CTNNA3: variants seen among roughly 807,000 people sequenced by gnomAD.
CTNNA3 encodes the protein catenin alpha-3.
In CTNNA3, 76 loss-of-function variants were observed where a neutral mutation model predicts 95.7. That is an observed-to-expected ratio of 0.79 (90% CI 0.66 to 0.96). CTNNA3 has a LOEUF of 0.96. Among genes scored for constraint, CTNNA3 ranks in the 40% least tolerant of loss-of-function variants. The probability of loss-of-function intolerance (pLI) is 0.00; values close to 1 mark genes in which losing one functional copy is unlikely to be tolerated. For synonymous variants in CTNNA3, 431 were observed against 374.4 expected (o/e 1.15, Z -1.74); for missense variants, 1,191 against 1,089.8 (o/e 1.09, Z -1.31).
At chr10:67,071,327 T>TCA (rs1474004938) in intron 7 of CTNNA3, among the ~76,000 whole-genome samples, 3 of 99,460 alleles carry the variant, frequency 3.0e-5, no homozygotes, top group African/African-American at 1.8e-4. Flanking sequence ...TTTTGTATTT[T>TCA]GGGTTTTTTT....
chr10:66,133,531 C>CA (rs1422778117), intron 13 of CTNNA3, among the ~76,000 whole-genome samples: 1 of 142,268 alleles, frequency 7.0e-6, no homozygotes, highest in African/African-American at 2.6e-5. Flanking sequence ...AAACAAAAAA[C>CA]AAAAAACAAA....
chr10:67,640,150 G>A (rs1839477969), intron 2 of CTNNA3, among the ~76,000 whole-genome samples: 1 of 152,154 alleles, frequency 6.6e-6, no homozygotes, highest in Non-Finnish European at 1.5e-5. Context: ...AGCAACTACA[G>A]CAAAGTCTCA....
At chr10:66,479,464 T>C (rs957997909) in intron 11 of CTNNA3, among the ~76,000 whole-genome samples, 1 of 152,032 alleles carries the variant, frequency 6.6e-6, no homozygotes, top group African/African-American at 2.4e-5. Context: ...TAATTTAAAA[T>C]TCTTTAAATC....
rs35006931 is a variant in CTNNA3 at position 66,872,671 on chromosome 10, A to AAAT, written c.1048-97150_1048-97148dup. ...GTGACAGAACGAGACCCCGTCTCAAAAATAATAATAATAATAATAATAATT... is the reference window on the plus strand; with the variant it reads ...GTGACAGAACGAGACCCCGTCTCAAAAATAATAATAATAATAATAATAATAATT... On this transcript the variant is annotated intron_variant, in intron 7 of 17. Transcript: ENST00000433211. Among the ~76,000 whole-genome samples the AAAT allele has an allele frequency of 3.1e-3, 453 of 145,554 alleles. 2 individuals carry two copies. Among genetic ancestry groups the AAAT allele is most frequent in the Middle Eastern group, 0.01 (3 of 286 alleles).
At chr10:67,647,151 T>G (rs1345848065) in intron 2 of CTNNA3, among the ~76,000 whole-genome samples, 2 of 68,830 alleles carry the variant, frequency 2.9e-5, no homozygotes, top group African/African-American at 4.8e-4. Context: ...GAAAATTATA[T>G]ATATATATAT....
intron 3 of CTNNA3, among the ~76,000 whole-genome samples, chr10:67,586,459 A>G (rs1440672402): frequency 6.6e-6 from 1 of 152,062 alleles, no homozygotes; most frequent in Admixed American, 6.6e-5. Context: ...CTTTAGATCT[A>G]GTCATATTTG....
intron 13 of CTNNA3, among the ~76,000 whole-genome samples, chr10:66,141,930 G>C (rs561418319): frequency 1.3e-5 from 2 of 152,010 alleles, no homozygotes; most frequent in African/African-American, 4.8e-5. Context: ...TATGTCTTTC[G>C]CAATTATTGT....
intron 7 of CTNNA3, among the ~76,000 whole-genome samples, chr10:67,021,501 T>TA (rs1853013282): frequency 6.6e-6 from 1 of 151,980 alleles, no homozygotes; most frequent in Non-Finnish European, 1.5e-5. Flanking sequence ...GTAAAAACAT[T>TA]AAAAAATCCT....
At chr10:66,640,924 T>G (rs1416209320) in intron 9 of CTNNA3, among the ~76,000 whole-genome samples, 3 of 152,064 alleles carry the variant, frequency 2.0e-5, no homozygotes, top group African/African-American at 4.8e-5. Context: ...ATTGAGCAAA[T>G]GAACGCATGC....
At chr10:66,520,857 C>T in intron 10 of CTNNA3, 84 bp from the exon 11 acceptor site, 1 of 804,802 alleles carries the variant, frequency 1.2e-6, no homozygotes, top group Non-Finnish European at 2.0e-6. Context: ...GCCCACACTT[C>T]ACCACTATGC....
At chr10:66,745,226 T>C (rs1354744989) in intron 9 of CTNNA3, among the ~76,000 whole-genome samples, 1 of 152,230 alleles carries the variant, frequency 6.6e-6, no homozygotes, top group Admixed American at 6.5e-5. Flanking sequence ...TGTTCAAGTT[T>C]GGCATATGCA....
At chr10:66,064,311 A>G (rs1241998667) in intron 15 of CTNNA3, among the ~76,000 whole-genome samples, 1 of 152,170 alleles carries the variant, frequency 6.6e-6, no homozygotes, top group Non-Finnish European at 1.5e-5. Context: ...AATTATGAGG[A>G]TGATAATTCA....
At chr10:66,609,060 C>CA (rs1554824220) in intron 10 of CTNNA3, among the ~76,000 whole-genome samples, 1 of 150,836 alleles carries the variant, frequency 6.6e-6, no homozygotes, top group African/African-American at 2.4e-5. Flanking sequence ...GGTCTATTAT[C>CA]TTTTTTTTTC....
chr10:67,224,844 G>A (rs546854885), intron 5 of CTNNA3, among the ~76,000 whole-genome samples: 5 of 152,272 alleles, frequency 3.3e-5, no homozygotes, highest in African/African-American at 9.6e-5. Context: ...GCTGAACTTC[G>A]TAACAATTTG....
intron 13 of CTNNA3, among the ~76,000 whole-genome samples, chr10:66,214,083 T>C (rs934529201): frequency 2.0e-5 from 3 of 152,062 alleles, no homozygotes; most frequent in Non-Finnish European, 4.4e-5. Flanking sequence ...GCAAAAACGA[T>C]AAGAAAAAAA....
intron 7 of CTNNA3, among the ~76,000 whole-genome samples, chr10:66,817,209 A>T (rs1842122071): frequency 6.6e-6 from 1 of 152,018 alleles, no homozygotes; most frequent in African/African-American, 2.4e-5. Flanking sequence ...TTTCCCAAAA[A>T]TCTACTGAAA....
chr10:66,254,813 G>A (rs944720528), intron 13 of CTNNA3, among the ~76,000 whole-genome samples: 72 of 152,172 alleles, frequency 4.7e-4, no homozygotes, highest in African/African-American at 1.4e-3. Flanking sequence ...AAGCCCTAGA[G>A]AAGGAGTGTC....
At chr10:66,567,055 A>AGTGG in intron 10 of CTNNA3, among the ~76,000 whole-genome samples, 1 of 68,580 alleles carries the variant, frequency 1.5e-5, no homozygotes, top group Admixed American at 1.6e-4. Flanking sequence ...GTAGGGAGAA[A>AGTGG]GAGGGGAAGG....
rs774933459 is a variant in CTNNA3 at position 66,069,413 on chromosome 10, C to T, written c.2054G>A (p.Ser685Asn). Residue 685 changes from serine (S) to asparagine (N), a missense_variant, in exon 15 of 18, where the codon AGT (serine) becomes AAT (asparagine). Ser to Asn is a conservative substitution (Grantham distance 46). Coordinates refer to ENST00000433211, the MANE Select transcript of CTNNA3 (RefSeq NM_013266.4). ...EQVADFKKVK[S>N]KLDAEIEIWD... Reference sequence around the variant, plus strand: ...TATCTCAATCTCAGCATCCAGCTTACTCTTTACTTTCTTGAAATCAGCAAC... The same window carrying T: ...TATCTCAATCTCAGCATCCAGCTTATTCTTTACTTTCTTGAAATCAGCAAC... 1.5e-5 allele frequency: 24 copies of T among 1,613,506 alleles called. No homozygotes were observed. In the East Asian group the frequency reaches 4.7e-4, roughly 31 times the overall value.
Sources: gnomAD v4.1 joint callset for allele counts (sites outside exome capture counted in the v4.1 genomes callset) on GRCh38, gnomAD v4.1.1 for gene constraint, MANE v1.5 for transcripts, NCBI Gene and HGNC (gene_info 2026-07-23, HGNC 2026-07-21) for gene names.